The following CTNNA3 variants were observed in gnomAD, a reference collection of about 807,000 sequenced individuals.
CTNNA3 encodes the protein catenin alpha 3, also known as catenin alpha-3.
A neutral mutation model predicts 95.7 loss-of-function variants in CTNNA3; 76 were observed. The ratio of observed to expected loss-of-function variants is 0.79; its 90% CI spans 0.66 to 0.96. CTNNA3 has a LOEUF of 0.96. CTNNA3 is among the 40% of genes least tolerant of loss of function. The pLI is 0.00. For missense variants in CTNNA3, 1,191 were observed against 1,089.8 expected, an observed-to-expected ratio of 1.09 and a Z score of -1.31; for synonymous variants, 431 against 374.4, an observed-to-expected ratio of 1.15 and a Z score of -1.74.
At chr10:67,265,344 C>A (rs1044456305) in intron 5 of CTNNA3, among the ~76,000 whole-genome samples, 1 of 152,042 alleles carries the variant, frequency 6.6e-6, no homozygotes, top group Non-Finnish European at 1.5e-5. Context: ...CCCAAGACTT[C>A]CCTAAAATGG....
At chr10:67,132,031 T>C (rs1177767163) in intron 7 of CTNNA3, among the ~76,000 whole-genome samples, 2 of 152,118 alleles carry the variant, frequency 1.3e-5, no homozygotes, top group African/African-American at 2.4e-5. Flanking sequence ...GGATGGTATT[T>C]GCAGTATTCT....
At chr10:66,255,529 C>A (rs529891591) in intron 13 of CTNNA3, among the ~76,000 whole-genome samples, 2 of 152,056 alleles carry the variant, frequency 1.3e-5, no homozygotes, top group Admixed American at 6.6e-5. Context: ...CTTCTCTACC[C>A]GATTCTGATG....
intron 7 of CTNNA3, among the ~76,000 whole-genome samples, chr10:66,883,524 A>T (rs1844924353): frequency 6.6e-6 from 1 of 152,146 alleles, no homozygotes; most frequent in South Asian, 2.1e-4. Flanking sequence ...TGTTGCACCT[A>T]AAATGCTGTC....
At position 66,016,637 on chromosome 10, in the gene CTNNA3, A is replaced by G. The variant is rs137901913; in HGVS notation, c.2160-27840T>C. Among the ~76,000 whole-genome samples, 663 of 152,248 alleles carry G rather than the reference A, an allele frequency of 4.4e-3. 5 individuals are homozygous for G. The highest frequency in any genetic ancestry group is 0.014 in the Middle Eastern group (4 of 294). On this transcript the variant is annotated intron_variant, in intron 15 of 17. Coordinates refer to ENST00000433211, the MANE Select transcript of CTNNA3 (RefSeq NM_013266.4). The stretch of plus-strand genomic sequence containing the variant: ...CATTGGGATTCTTTTTAAAAATTCT[A>G]TTCATTGATAGGAAAAAAAATCTTT...
At chr10:66,349,537 G>T (rs570905798) in intron 12 of CTNNA3, among the ~76,000 whole-genome samples, 85 of 152,048 alleles carry the variant, frequency 5.6e-4, no homozygotes, top group African/African-American at 2.0e-3. Context: ...GGCTCATGAA[G>T]GAAAAGAAAA....
At chr10:66,094,789 T>A (rs1475441808) in intron 14 of CTNNA3, among the ~76,000 whole-genome samples, 1 of 152,168 alleles carries the variant, frequency 6.6e-6, no homozygotes, top group Non-Finnish European at 1.5e-5. Flanking sequence ...GAATAAAGTC[T>A]TCCTCTCTTA....
intron 7 of CTNNA3, among the ~76,000 whole-genome samples, chr10:67,104,354 C>T (rs1858505138): frequency 6.6e-6 from 1 of 151,796 alleles, no homozygotes; most frequent in Admixed American, 6.6e-5. Flanking sequence ...GATCTGGAAG[C>T]ATACTACATC....
At chr10:66,216,105 A>G (rs1009630652) in intron 13 of CTNNA3, among the ~76,000 whole-genome samples, 1 of 152,234 alleles carries the variant, frequency 6.6e-6, no homozygotes, top group Middle Eastern at 3.2e-3. Context: ...AGCCTCTCAG[A>G]GTTCTACCTT....
chr10:66,641,222 A>G (rs1002168439), intron 9 of CTNNA3, among the ~76,000 whole-genome samples: 1 of 152,226 alleles, frequency 6.6e-6, no homozygotes, highest in African/African-American at 2.4e-5. Flanking sequence ...ATGCCATATT[A>G]AATTTAAAGA....
At chr10:67,309,259 C>A (rs534641391) in intron 5 of CTNNA3, among the ~76,000 whole-genome samples, 5 of 152,200 alleles carry the variant, frequency 3.3e-5, no homozygotes, top group Non-Finnish European at 7.4e-5. Flanking sequence ...TGCTTGCTTA[C>A]ATAAATTTAC....
intron 10 of CTNNA3, 34 bp from the exon 11 acceptor site, chr10:66,520,807 G>A (rs778213701): frequency 6.4e-7 from 1 of 1,571,302 alleles, no homozygotes; most frequent in Admixed American, 1.7e-5. Context: ...ATTACCTATT[G>A]GTTGCAATGT....
Position 67,348,728 on chromosome 10 carries a change from C to T in CTNNA3, c.580-128858G>A, listed in dbSNP as rs79069332. 0.018 allele frequency among the ~76,000 whole-genome samples: 2,711 copies of T among 152,198 alleles called. 209 individuals are homozygous for T. The East Asian group carries it at 0.24, about 13-fold the overall frequency. On this transcript the variant is annotated intron_variant, in intron 5 of 17. Transcript: ENST00000433211. ...TTTCATAAGGGATCTTTCCCCATGA[C>T]CCAAACACCTCCCATTAGGCTCACC... is the stretch of plus-strand genomic sequence containing the variant.
At chr10:66,813,021 G>T (rs1428409011) in intron 7 of CTNNA3, among the ~76,000 whole-genome samples, 5 of 152,074 alleles carry the variant, frequency 3.3e-5, no homozygotes, top group Non-Finnish European at 5.9e-5. Context: ...CCTTATAATT[G>T]TTCATAGTTC....
intron 8 of CTNNA3, among the ~76,000 whole-genome samples, chr10:66,768,262 A>C (rs755762697): frequency 6.6e-6 from 1 of 151,210 alleles, no homozygotes; most frequent in Non-Finnish European, 1.5e-5. Context: ...TAATTGAGAC[A>C]TGTAGAAGGA....
chr10:66,996,842 T>C (rs1241529230), intron 7 of CTNNA3, among the ~76,000 whole-genome samples: 2 of 152,044 alleles, frequency 1.3e-5, no homozygotes, highest in Non-Finnish European at 2.9e-5. Context: ...ACAGTAATTC[T>C]AAACAATTCC....
chr10:67,003,870 A>G (rs1851818420), intron 7 of CTNNA3, among the ~76,000 whole-genome samples: 1 of 152,202 alleles, frequency 6.6e-6, no homozygotes, highest in Non-Finnish European at 1.5e-5. Context: ...TGCATCAGCC[A>G]AAGTGCAGCA....
chr10:67,290,397 T>C (rs1214493126), intron 5 of CTNNA3, among the ~76,000 whole-genome samples: 1 of 152,194 alleles, frequency 6.6e-6, no homozygotes, highest in Non-Finnish European at 1.5e-5. Flanking sequence ...AAGTTATTCA[T>C]GTCTTAAAGG....
intron 7 of CTNNA3, chr10:67,098,005 T>G: frequency 1.8e-6 from 1 of 571,100 alleles, no homozygotes; most frequent in South Asian, 2.1e-5. Context: ...TTGTGCAGTA[T>G]TTTTTGACTT....
chr10:66,323,237 T>C (rs2092212374), intron 12 of CTNNA3, among the ~76,000 whole-genome samples: 1 of 152,066 alleles, frequency 6.6e-6, no homozygotes, highest in African/African-American at 2.4e-5. Context: ...CCACACTAAG[T>C]ATCTATTTTA....
Sources: allele counts gnomAD v4.1 joint callset (sites outside exome capture counted in the v4.1 genomes callset), GRCh38; gene constraint gnomAD v4.1.1; transcripts MANE v1.5; gene names NCBI Gene and HGNC (gene_info 2026-07-23, HGNC 2026-07-21).